ANKS1B: variants seen among roughly 807,000 people sequenced by gnomAD.
The protein encoded by ANKS1B is ankyrin repeat and sterile alpha motif domain-containing protein 1B.
Under a neutral mutation model 148.3 loss-of-function variants are expected in ANKS1B, and 36 were observed. The observed-to-expected ratio is 0.24, with a 90% CI of 0.19 to 0.32. The LOEUF (loss-of-function observed/expected upper bound fraction) is 0.32. Ranked by LOEUF, ANKS1B falls within the 10% of genes least tolerant of loss-of-function variation. The pLI, the probability that ANKS1B is intolerant of heterozygous loss-of-function variation, is 1.00. For missense variants in ANKS1B, 1,157 were observed against 1,542.6 expected (o/e 0.75, Z 4.19); for synonymous variants, 542 against 560.8 (o/e 0.97, Z 0.47).
intron 15 of ANKS1B, among the ~76,000 whole-genome samples, chr12:99,099,147 G>A (rs1348209479): frequency 2.0e-5 from 3 of 152,134 alleles, no homozygotes; most frequent in African/African-American, 7.2e-5. Context: ...GCCGGCAGAG[G>A]GAGGGCTTGG....
At chr12:99,943,539 C>T (rs1273024128) in intron 1 of ANKS1B, among the ~76,000 whole-genome samples, 1 of 152,070 alleles carries the variant, frequency 6.6e-6, no homozygotes, top group Non-Finnish European at 1.5e-5. Flanking sequence ...TGGCAGAAGG[C>T]AAAGGAGGAG....
intron 12 of ANKS1B, among the ~76,000 whole-genome samples, chr12:99,274,098 CTA>C (rs1373007263): frequency 6.6e-6 from 1 of 151,992 alleles, no homozygotes; most frequent in East Asian, 1.9e-4. Flanking sequence ...CTGAAAGTTT[CTA>C]TGAGTCACTA....
chr12:99,202,306 T>C (rs943261227), intron 14 of ANKS1B, among the ~76,000 whole-genome samples: 4 of 152,190 alleles, frequency 2.6e-5, no homozygotes, highest in Non-Finnish European at 5.9e-5. Context: ...GCAGCCCCCT[T>C]CTACTCATCC....
At chr12:99,018,662 G>C (rs1373132158) in intron 17 of ANKS1B, among the ~76,000 whole-genome samples, 1 of 152,134 alleles carries the variant, frequency 6.6e-6, no homozygotes, top group Non-Finnish European at 1.5e-5. Flanking sequence ...AGTATCTTTA[G>C]GCTAGGTACA....
chr12:98,827,411 C>T (rs1490323927), intron 19 of ANKS1B, among the ~76,000 whole-genome samples: 1 of 152,152 alleles, frequency 6.6e-6, no homozygotes, highest in African/African-American at 2.4e-5. Flanking sequence ...GTCCCATCAG[C>T]CTGCTTATCT....
At chr12:98,833,318 T>A (rs1399642448) in intron 17 of ANKS1B, among the ~76,000 whole-genome samples, 2 of 152,230 alleles carry the variant, frequency 1.3e-5, no homozygotes, top group Non-Finnish European at 2.9e-5. Context: ...TTCCAAAGCA[T>A]GTTTTACTCC....
intron 4 of ANKS1B, among the ~76,000 whole-genome samples, chr12:99,805,284 A>AAAAAAAAAAAAAC (rs2067487327): frequency 1.3e-5 from 2 of 149,062 alleles, no homozygotes; most frequent in Non-Finnish European, 3.0e-5. Context: ...AAAAAAAAAA[A>AAAAAAAAAAAAAC]AAAAGACTAA....
intron 11 of ANKS1B, among the ~76,000 whole-genome samples, chr12:99,408,788 A>G (rs1241710048): frequency 6.8e-6 from 1 of 146,412 alleles, no homozygotes; most frequent in East Asian, 1.9e-4. Context: ...GCAAATTACA[A>G]CTACAAGGAA....
chr12:98,885,676 C>A (rs2099738095), intron 17 of ANKS1B, among the ~76,000 whole-genome samples: 1 of 152,156 alleles, frequency 6.6e-6, no homozygotes, highest in Non-Finnish European at 1.5e-5. Context: ...CCCCCCTTGC[C>A]CGCCCCGTCA....
intron 14 of ANKS1B, among the ~76,000 whole-genome samples, chr12:99,236,499 G>A (rs182491248): frequency 7.9e-4 from 121 of 152,258 alleles, no homozygotes; most frequent in African/African-American, 2.7e-3. Context: ...ATCAGGTCTC[G>A]TGAGAACTCA....
chr12:99,592,824 C>A (rs2097716764), intron 9 of ANKS1B, among the ~76,000 whole-genome samples: 1 of 151,826 alleles, frequency 6.6e-6, no homozygotes, highest in Non-Finnish European at 1.5e-5. Context: ...TTTAGGGAGA[C>A]AAAAAACACA....
intron 15 of ANKS1B, among the ~76,000 whole-genome samples, chr12:99,140,660 C>T (rs2070368665): frequency 6.6e-6 from 1 of 152,160 alleles, no homozygotes; most frequent in South Asian, 2.1e-4. Context: ...GGTTGAGGGA[C>T]TGGCCCACGA....
At chr12:99,593,744 A>T (rs1402793643) in intron 9 of ANKS1B, among the ~76,000 whole-genome samples, 2 of 152,140 alleles carry the variant, frequency 1.3e-5, no homozygotes, top group Non-Finnish European at 2.9e-5. Flanking sequence ...GAATGTTTTA[A>T]AAATTATATC....
chr12:98,742,615 G>T (rs2097808833), downstream of ANKS1B, among the ~76,000 whole-genome samples: 1 of 152,262 alleles, frequency 6.6e-6, no homozygotes, highest in Admixed American at 6.5e-5. Flanking sequence ...TGGCACCAAG[G>T]TCTCAGGGTT....
At chr12:99,106,844 T>C (rs1225120150) in intron 15 of ANKS1B, among the ~76,000 whole-genome samples, 1 of 152,228 alleles carries the variant, frequency 6.6e-6, no homozygotes, top group Admixed American at 6.5e-5. Flanking sequence ...GTCAGAATCA[T>C]GATTTATATT....
rs1268990169 is a variant in ANKS1B, at chr12:99,115,881, G to A, written c.2527-30858C>T. ...CAGGAGGCAGAGGTTGCAGTGAGCCGAGATTGCACCATTGCACTCCAGCCT... is the reference window on the plus strand; with the variant it reads ...CAGGAGGCAGAGGTTGCAGTGAGCCAAGATTGCACCATTGCACTCCAGCCT... On this transcript the variant is annotated intron_variant, in intron 15 of 26. Transcript: ENST00000683438. Among the ~76,000 whole-genome samples, 4 of 145,834 alleles carry A rather than the reference G, an allele frequency of 2.7e-5. No homozygotes were observed. In the Admixed American group the frequency reaches 2.8e-4, roughly 10 times the overall value.
At chr12:98,913,622 C>G (rs1324433689) in intron 17 of ANKS1B, among the ~76,000 whole-genome samples, 1 of 152,028 alleles carries the variant, frequency 6.6e-6, no homozygotes, top group African/African-American at 2.4e-5. Flanking sequence ...CTGCCAATTT[C>G]TTCATATTTT....
At chr12:99,761,096 AG>A (rs1178494527) in intron 8 of ANKS1B, among the ~76,000 whole-genome samples, 3 of 149,964 alleles carry the variant, frequency 2.0e-5, no homozygotes, top group African/African-American at 7.3e-5. Context: ...CTGGACCAGA[AG>A]GATTTACAGC....
intron 9 of ANKS1B, among the ~76,000 whole-genome samples, chr12:99,630,852 G>C (rs1017696916): frequency 3.3e-5 from 5 of 152,156 alleles, no homozygotes; most frequent in Admixed American, 1.3e-4. Flanking sequence ...ATGTTTGGCT[G>C]TCTCTCCACC....
Sources: gnomAD v4.1 joint callset for allele counts (sites outside exome capture counted in the v4.1 genomes callset) on GRCh38, gnomAD v4.1.1 for gene constraint, MANE v1.5 for transcripts, NCBI Gene and HGNC (gene_info 2026-07-23, HGNC 2026-07-21) for gene names.